MYOCD: variants seen among roughly 807,000 people sequenced by gnomAD.
MYOCD encodes the protein myocardin.
MYOCD carries 32 observed loss-of-function variants against 96.1 expected under a neutral mutation model. The observed-to-expected ratio is 0.33, with a 90% confidence interval of 0.25 to 0.45. MYOCD has a LOEUF of 0.45. MYOCD is among the 20% of genes least tolerant of loss of function. The pLI is 1.00. For synonymous variants in MYOCD, 469 were observed against 469.0 expected (o/e 1.00, Z 0.00); for missense variants, 1,133 against 1,200.6 (o/e 0.94, Z 0.83).
chr17:12,734,425 G>A (rs1984481), intron 5 of MYOCD, among the ~76,000 whole-genome samples: 3 of 150,424 alleles, frequency 2.0e-5, no homozygotes, highest in East Asian at 2.0e-4. Flanking sequence ...TTCTAGAGTG[G>A]GGAACACTTA....
chr17:12,716,979 C>T (rs1453388440), intron 3 of MYOCD, among the ~76,000 whole-genome samples: 14 of 99,474 alleles, frequency 1.4e-4, no homozygotes, highest in African/African-American at 1.8e-4. Context: ...GACAGAGATG[C>T]TGTCTCAAAA....
chr17:12,748,889 A>G (rs1043455804), intron 9 of MYOCD, among the ~76,000 whole-genome samples: 10 of 151,322 alleles, frequency 6.6e-5, no homozygotes, highest in African/African-American at 2.2e-4. Flanking sequence ...AGTTAATTCA[A>G]TCCTTTCCTT....
intron 11 of MYOCD, among the ~76,000 whole-genome samples, chr17:12,757,624 G>A (rs1250474774): frequency 6.6e-6 from 1 of 152,142 alleles, no homozygotes; most frequent in Non-Finnish European, 1.5e-5. Flanking sequence ...AGCCTCCCAA[G>A]TAGCTGGGAT....
intron 1 of MYOCD, among the ~76,000 whole-genome samples, chr17:12,703,005 A>G (rs868545664): frequency 3.3e-5 from 5 of 151,864 alleles, no homozygotes; most frequent in South Asian, 2.1e-4. Flanking sequence ...TTCTGGTATC[A>G]TTTCCCTTGA....
At chr17:12,732,886 C>T (rs762316456) in intron 5 of MYOCD, among the ~76,000 whole-genome samples, 1 of 152,166 alleles carries the variant, frequency 6.6e-6, no homozygotes, top group African/African-American at 2.4e-5. Context: ...TTAAATTCAT[C>T]GGGACTCTCC....
intron 12 of MYOCD, among the ~76,000 whole-genome samples, chr17:12,759,341 G>C (rs960054843): frequency 6.6e-6 from 1 of 152,172 alleles, no homozygotes; most frequent in African/African-American, 2.4e-5. Flanking sequence ...GACAACAATT[G>C]CCTAAACCAA....
intron 1 of MYOCD, among the ~76,000 whole-genome samples, chr17:12,704,437 A>C (rs1326718424): frequency 6.6e-6 from 1 of 152,166 alleles, no homozygotes; most frequent in Non-Finnish European, 1.5e-5. Flanking sequence ...TAATATTGGG[A>C]ACATACTTAT....
chr17:12,673,373 A>C (rs984038776), intron 1 of MYOCD, among the ~76,000 whole-genome samples: 1 of 152,204 alleles, frequency 6.6e-6, no homozygotes, highest in Non-Finnish European at 1.5e-5. Context: ...CCAGTTGCAT[A>C]AAGATTTTTA....
At chr17:12,684,845 C>T (rs905461894) in intron 1 of MYOCD, among the ~76,000 whole-genome samples, 1 of 66,316 alleles carries the variant, frequency 1.5e-5, no homozygotes, top group East Asian at 4.7e-4. Flanking sequence ...GAATTCGTCT[C>T]AAAAAAAAAA....
At chr17:12,693,166 T>C (rs912310564) in intron 1 of MYOCD, among the ~76,000 whole-genome samples, 9 of 152,174 alleles carry the variant, frequency 5.9e-5, no homozygotes, top group Non-Finnish European at 1.3e-4. Context: ...TTATAGAATA[T>C]TAAGGGAACA....
At chr17:12,700,230 T>C (rs1273007299) in intron 1 of MYOCD, among the ~76,000 whole-genome samples, 9 of 151,792 alleles carry the variant, frequency 5.9e-5, no homozygotes, top group Admixed American at 5.9e-4. Flanking sequence ...ATTTCTATCC[T>C]CCTTCATGTC....
intron 7 of MYOCD, among the ~76,000 whole-genome samples, chr17:12,742,355 G>A (rs183579541): frequency 6.6e-6 from 1 of 152,128 alleles, no homozygotes. Context: ...TGAGTTGTAA[G>A]CTCCTTTGGA....
At chr17:12,667,749 T>A (rs8073841) in intron 1 of MYOCD, among the ~76,000 whole-genome samples, 22,647 of 152,078 alleles carry the variant, frequency 0.15, 1,816 homozygotes, top group Admixed American at 0.23. Flanking sequence ...GAGAGGGAAG[T>A]CAGTTTTTGC....
At chr17:12,666,592 C>T (rs1397173049) in intron 1 of MYOCD, among the ~76,000 whole-genome samples, 1 of 152,122 alleles carries the variant, frequency 6.6e-6, no homozygotes, top group African/African-American at 2.4e-5. Flanking sequence ...TGCGTAGTAT[C>T]GGTTATAATC....
chr17:12,670,438 G>A (rs756213828), intron 1 of MYOCD, among the ~76,000 whole-genome samples: 3 of 152,084 alleles, frequency 2.0e-5, no homozygotes, highest in Non-Finnish European at 4.4e-5. Context: ...AACATCTCTG[G>A]CACTGAATTT....
chr17:12,744,401 A>G lies in MYOCD; in HGVS notation c.936A>G (p.Arg312=), dbSNP rs28730820. Residue 312 remains arginine, a synonymous_variant, in exon 8 of 14, where the codon CGA becomes CGG. Transcript: ENST00000425538. ...LSQQQQQQQH[R]FSYLGMHQAQ... is the part of the protein sequence containing the mutation. Reference sequence around the variant, plus strand: ...AGCAGCAGCAGCAGCAGCAACACCGATTCAGCTACCTAGGGATGCACCAAG... The same window carrying G: ...AGCAGCAGCAGCAGCAGCAACACCGGTTCAGCTACCTAGGGATGCACCAAG... 7.2e-3 allele frequency: 11,582 copies of G among 1,613,622 alleles called. 44 individuals carry two copies. Among genetic ancestry groups the G allele is most frequent in the Non-Finnish European group, 8.9e-3 (10,444 of 1,179,724 alleles).
chr17:12,713,738 C>T (rs530304605), intron 2 of MYOCD, among the ~76,000 whole-genome samples: 1 of 152,184 alleles, frequency 6.6e-6, no homozygotes, highest in South Asian at 2.1e-4. Flanking sequence ...ACTCCCTCGA[C>T]ATAAATTCCA....
chr17:12,749,125 CTG>C (rs1327595215), intron 9 of MYOCD, among the ~76,000 whole-genome samples: 1 of 152,102 alleles, frequency 6.6e-6, no homozygotes, highest in East Asian at 1.9e-4. Context: ...TTTTTCATAA[CTG>C]TTAATATTCA....
chr17:12,741,169 G>A (rs1160489718), intron 7 of MYOCD, among the ~76,000 whole-genome samples: 2 of 152,144 alleles, frequency 1.3e-5, no homozygotes, highest in Non-Finnish European at 2.9e-5. Context: ...CAATGATATA[G>A]TAACAGTTTT....
Sources: allele counts gnomAD v4.1 joint callset (sites outside exome capture counted in the v4.1 genomes callset), GRCh38; gene constraint gnomAD v4.1.1; transcripts MANE v1.5; gene names NCBI Gene and HGNC (gene_info 2026-07-23, HGNC 2026-07-21).